Variants in AEBP2 observed in about 807,000 individuals in gnomAD.
The protein encoded by AEBP2 is zinc finger protein AEBP2.
Under a neutral mutation model 50.8 loss-of-function variants are expected in AEBP2, and 10 were observed. The observed-to-expected ratio is 0.20, with a 90% confidence interval of 0.12 to 0.33. The LOEUF (loss-of-function observed/expected upper bound fraction) is 0.33, where lower values mean the gene tolerates loss of function less well. Among genes scored for constraint, AEBP2 ranks in the 10% least tolerant of loss-of-function variants. The pLI is 1.00. For synonymous variants in AEBP2, 296 were observed against 261.3 expected (o/e 1.13, Z -1.28); for missense variants, 570 against 688.0 (o/e 0.83, Z 1.92).
intron 1 of AEBP2, among the ~76,000 whole-genome samples, chr12:19,427,891 C>T (rs1371109217): frequency 6.6e-6 from 1 of 151,944 alleles, no homozygotes; most frequent in Non-Finnish European, 1.5e-5. Context: ...TTTATTTTAC[C>T]TGCACTAATT....
chr12:19,439,805 C>G lies in AEBP2; in HGVS notation c.106C>G (p.Pro36Ala), dbSNP rs754026085. ...GGCGGCGCGGGGCCGGGCTGAGCCC[C>G]CCGAGGAGGAGGAGGAAGAGGAGGA... ...GSAARGRAEP[P>A]EEEEEEEEEE... Residue 36 changes from proline to alanine, a missense_variant, in exon 1 of 8, where the codon CCC (proline) becomes GCC (alanine). Coordinates refer to ENST00000266508, the MANE Select transcript of AEBP2 (RefSeq NM_153207.5). The G allele has an allele frequency of 8.9e-5, 134 of 1,510,814 alleles. 1 individual carries two copies. In the African/African-American group the frequency reaches 1.7e-3, roughly 19 times the overall value. 93.6% of individuals were successfully genotyped at this position (1,510,814 alleles called of 1,614,324 possible).
At chr12:19,462,391 A>T in intron 1 of AEBP2, 119 bp from the exon 2 acceptor site, 1 of 803,648 alleles carries the variant, frequency 1.2e-6, no homozygotes, top group Non-Finnish European at 2.0e-6. Flanking sequence ...GAATATGGTT[A>T]CTATGCTTTG....
At chr12:19,434,931 C>T (rs570427734), upstream of AEBP2, among the ~76,000 whole-genome samples, 16 of 152,140 alleles carry the variant, frequency 1.1e-4, no homozygotes, top group Non-Finnish European at 2.2e-4. Context: ...CTAAAATATT[C>T]GTTTGTGGCT....
chr12:19,454,360 C>T (rs12832326), intron 1 of AEBP2, among the ~76,000 whole-genome samples: 18,542 of 151,864 alleles, frequency 0.12, 1,340 homozygotes, highest in Middle Eastern at 0.19. Flanking sequence ...TAATTGTTAC[C>T]ACACACACAC....
chr12:19,474,496 C>T (rs1318020635), intron 3 of AEBP2, among the ~76,000 whole-genome samples: 1 of 152,124 alleles, frequency 6.6e-6, no homozygotes, highest in Non-Finnish European at 1.5e-5. Context: ...TTCCCCCCTT[C>T]CTCCCAAATA....
rs532276757 is a variant in AEBP2 at position 19,464,218 on chromosome 12, TC to T, written c.879+1506del. ...GGGCTACTTTGGTAACCCAGTCTTC[TC>T]CCCCAAGCCATATGTCAGATACTTA... is the stretch of plus-strand genomic sequence containing the variant. On this transcript the variant is annotated intron_variant, in intron 2 of 7. Coordinates refer to ENST00000266508, the MANE Select transcript of AEBP2 (RefSeq NM_153207.5). Among the ~76,000 whole-genome samples, 442 of 152,286 alleles carry T rather than the reference TC, an allele frequency of 2.9e-3. 1 individual carries two copies. Among genetic ancestry groups the T allele is most frequent in the Non-Finnish European group, 5.4e-3 (367 of 68,008 alleles).
intron 1 of AEBP2, chr12:19,413,322 G>A: frequency 8.0e-7 from 1 of 1,242,742 alleles, no homozygotes. Flanking sequence ...CAGATGGCAA[G>A]ATATGGACAA....
chr12:19,490,494 C>T (rs1429576310), intron 3 of AEBP2, among the ~76,000 whole-genome samples: 1 of 151,390 alleles, frequency 6.6e-6, no homozygotes, highest in Non-Finnish European at 1.5e-5. Context: ...TCTTGTGCCT[C>T]AGCTTCCTGA....
chr12:19,463,656 G>A (rs991530344), intron 2 of AEBP2, among the ~76,000 whole-genome samples: 2 of 141,934 alleles, frequency 1.4e-5, no homozygotes, highest in Non-Finnish European at 3.0e-5. Context: ...AAGCAGTGAT[G>A]TCATACTTGA....
intron 1 of AEBP2, among the ~76,000 whole-genome samples, chr12:19,424,502 C>T (rs1338484316): frequency 2.6e-5 from 4 of 151,834 alleles, no homozygotes; most frequent in African/African-American, 7.3e-5. Context: ...GTTCACGCCA[C>T]TCTCCTGCCT....
chr12:19,471,809 G>A (rs1359624952), intron 2 of AEBP2, among the ~76,000 whole-genome samples: 2 of 152,150 alleles, frequency 1.3e-5, no homozygotes, highest in African/African-American at 4.8e-5. Context: ...GGAATTGCTG[G>A]TGTGAGCCAC....
chr12:19,452,116 C>G (rs1273534168), intron 1 of AEBP2, among the ~76,000 whole-genome samples: 4 of 152,132 alleles, frequency 2.6e-5, no homozygotes, highest in Non-Finnish European at 2.9e-5. Flanking sequence ...GTCTCGAACT[C>G]CTGACCTCAA....
At chr12:19,509,816 C>CTTT (rs1565737482) in intron 5 of AEBP2, among the ~76,000 whole-genome samples, 30 of 121,050 alleles carry the variant, frequency 2.5e-4, no homozygotes, top group African/African-American at 9.4e-4. Context: ...AACATGGCTA[C>CTTT]TTTCTTTTTT....
intron 5 of AEBP2, among the ~76,000 whole-genome samples, chr12:19,504,297 C>T (rs11044623): frequency 0.018 from 2,680 of 151,352 alleles, 39 homozygotes; most frequent in Non-Finnish European, 0.026. Flanking sequence ...TGCAGTGGCG[C>T]GATCTCGGCT....
chr12:19,512,805 G>A lies in AEBP2; in HGVS notation c.1367+340G>A, dbSNP rs138224560. ...TCTACTAAAAATACAAAAATTAGCC[G>A]GGTGTGGTGGTGCGCACCCATAATC... On this transcript the variant is annotated intron_variant, in intron 6 of 7. Coordinates refer to ENST00000266508, the MANE Select transcript of AEBP2 (RefSeq NM_153207.5). Among the ~76,000 whole-genome samples, 166 of 152,018 alleles carry A rather than the reference G, an allele frequency of 1.1e-3. 1 individual carries two copies. The highest frequency in any genetic ancestry group is 3.8e-3 in the African/African-American group (158 of 41,488).
chr12:19,490,735 G>A (rs1440331398), intron 3 of AEBP2, among the ~76,000 whole-genome samples: 1 of 152,084 alleles, frequency 6.6e-6, no homozygotes, highest in Non-Finnish European at 1.5e-5. Context: ...CAAAGTATTG[G>A]GATTACAGGC....
chr12:19,439,268 T>C (rs1439889210), upstream of AEBP2, among the ~76,000 whole-genome samples: 1 of 152,092 alleles, frequency 6.6e-6, no homozygotes, highest in African/African-American at 2.4e-5. Flanking sequence ...CTCGGAAGGC[T>C]GCTAAAATCC....
rs548034487 is a variant in AEBP2 at position 19,423,022 on chromosome 12, G to A, written c.-17+18806G>A. Among the ~76,000 whole-genome samples the A allele has an allele frequency of 3.4e-5, 4 of 116,296 alleles. No individual in the cohort carries two copies. The East Asian group carries it at 1.2e-3, about 35-fold the overall frequency. 76.3% of individuals were successfully genotyped at this position (116,296 alleles called of 152,430 possible). A position where few individuals can be genotyped will look rare whatever the true frequency, so the allele number is the denominator to read the frequency against. ...AGAGGTTGCAGTGAGCCGAGATTGTGCCACTGCACTCCAGGCTGGGTGACA... is the reference window on the plus strand; with the variant it reads ...AGAGGTTGCAGTGAGCCGAGATTGTACCACTGCACTCCAGGCTGGGTGACA... On this transcript the variant is annotated intron_variant, in intron 1 of 3. Transcript: ENST00000538425.
At chr12:19,509,109 A>C in intron 5 of AEBP2, 1 of 552,060 alleles carries the variant, frequency 1.8e-6, no homozygotes, top group East Asian at 3.6e-5. Context: ...GAGATTGTCC[A>C]AAGCAAAGAA....
Sources: allele counts gnomAD v4.1 joint callset (sites outside exome capture counted in the v4.1 genomes callset), GRCh38; gene constraint gnomAD v4.1.1; transcripts MANE v1.5; gene names NCBI Gene and HGNC (gene_info 2026-07-23, HGNC 2026-07-21).